MS4A4A: variants seen among roughly 807,000 people sequenced by gnomAD.
The protein encoded by MS4A4A is membrane spanning 4-domains A4A, also known as membrane-spanning 4-domains subfamily A member 4A.
In MS4A4A, 26 loss-of-function variants were observed where a neutral mutation model predicts 28.0. The ratio of observed to expected loss-of-function variants is 0.93; its 90% CI spans 0.68 to 1.29. The LOEUF is 1.29. Among genes scored for constraint, MS4A4A ranks in the 50% most tolerant of loss-of-function variants. MS4A4A has a pLI of 0.00. For missense variants in MS4A4A, 290 were observed against 293.1 expected, an observed-to-expected ratio of 0.99 and a Z score of 0.08; for synonymous variants, 86 against 100.8, an observed-to-expected ratio of 0.85 and a Z score of 0.88.
intron 2 of MS4A4A, among the ~76,000 whole-genome samples, chr11:60,294,886 A>ACTG (rs2135021432): frequency 7.5e-5 from 2 of 26,680 alleles, no homozygotes; most frequent in Non-Finnish European, 2.4e-4. Context: ...TAGTCCTACA[A>ACTG]CTACTACTTC....
intron 2 of MS4A4A, among the ~76,000 whole-genome samples, chr11:60,294,885 A>AACT (rs1554993354): frequency 0.013 from 1,337 of 104,576 alleles, 36 homozygotes; most frequent in African/African-American, 0.043. Context: ...TTAGTCCTAC[A>AACT]ACTACTACTT....
At chr11:60,304,124 G>A (rs1306336443) in intron 5 of MS4A4A, among the ~76,000 whole-genome samples, 1 of 152,188 alleles carries the variant, frequency 6.6e-6, no homozygotes, top group Non-Finnish European at 1.5e-5. Flanking sequence ...AGGAAGATTA[G>A]ATTCTACAAT....
intron 2 of MS4A4A, among the ~76,000 whole-genome samples, chr11:60,294,896 CT>C (rs2084891128): frequency 4.0e-5 from 2 of 50,234 alleles, no homozygotes; most frequent in African/African-American, 5.2e-5. Flanking sequence ...ACTACTACTT[CT>C]TCTTCTTCTT....
chr11:60,306,028 T>G, intron 5 of MS4A4A, 72 bp from the exon 6 acceptor site: 1 of 1,299,126 alleles, frequency 7.7e-7, no homozygotes, highest in Non-Finnish European at 1.1e-6. Context: ...CTTATGACAT[T>G]GTGGTTACTG....
chr11:60,292,113 T>C (rs1295376185), intron 1 of MS4A4A, 112 bp from the exon 2 acceptor site: 3 of 1,288,258 alleles, frequency 2.3e-6, no homozygotes, highest in Non-Finnish European at 3.1e-6. Flanking sequence ...TATTATGATA[T>C]GGGAAGAGAA....
At chr11:60,284,704 G>A (rs1322150193) in intron 1 of MS4A4A, among the ~76,000 whole-genome samples, 1 of 152,136 alleles carries the variant, frequency 6.6e-6, no homozygotes, top group Non-Finnish European at 1.5e-5. Context: ...TTATGAGGTG[G>A]GTTACATTCA....
chr11:60,303,606 G>A (rs2084972192), intron 5 of MS4A4A, among the ~76,000 whole-genome samples: 3 of 152,240 alleles, frequency 2.0e-5, no homozygotes, highest in South Asian at 2.1e-4. Context: ...TACTCGGGGG[G>A]CTGAGGCAGG....
intron 2 of MS4A4A, among the ~76,000 whole-genome samples, chr11:60,294,081 T>C (rs962656627): frequency 1.3e-5 from 2 of 152,242 alleles, no homozygotes; most frequent in Admixed American, 6.5e-5. Context: ...CAATCAACAG[T>C]CAATGAGTTC....
chr11:60,294,892 A>ACTACTACTACTTCTTCTTCTT (rs60374079), intron 2 of MS4A4A, among the ~76,000 whole-genome samples: 15 of 130,938 alleles, frequency 1.1e-4, no homozygotes, highest in South Asian at 6.0e-4. Context: ...TACAACTACT[A>ACTACTACTACTTCTTCTTCTT]CTTCTTCTTC....
At chr11:60,300,931 A>T in intron 3 of MS4A4A, 70 bp from the exon 4 acceptor site, 1 of 1,096,924 alleles carries the variant, frequency 9.1e-7, no homozygotes, top group Non-Finnish European at 1.3e-6. Context: ...ATTTAGAATT[A>T]AGTTTAGTAA....
chr11:60,300,131 G>A (rs1203816644), intron 3 of MS4A4A, among the ~76,000 whole-genome samples: 1 of 151,904 alleles, frequency 6.6e-6, no homozygotes, highest in African/African-American at 2.4e-5. Context: ...TGAATCATCT[G>A]AAATCAAATT....
intron 2 of MS4A4A, among the ~76,000 whole-genome samples, chr11:60,292,956 C>A (rs916273528): frequency 2.0e-5 from 3 of 152,062 alleles, no homozygotes; most frequent in African/African-American, 7.2e-5. Context: ...TATTCTGGAT[C>A]CTTTTTTCAC....
At chr11:60,283,114 A>G (rs2084770683) in intron 1 of MS4A4A, among the ~76,000 whole-genome samples, 1 of 152,184 alleles carries the variant, frequency 6.6e-6, no homozygotes, top group African/African-American at 2.4e-5. Flanking sequence ...TATTTTTGAG[A>G]CAGGGTCTCA....
chr11:60,285,297 A>C (rs926187312), intron 1 of MS4A4A, among the ~76,000 whole-genome samples: 2 of 152,182 alleles, frequency 1.3e-5, no homozygotes, highest in Non-Finnish European at 2.9e-5. Flanking sequence ...TGAGCCCTGG[A>C]GTTTGAGACC....
At chr11:60,301,201 T>G (rs979656925) in intron 4 of MS4A4A, 144 bp downstream of exon 4, 3 of 674,692 alleles carry the variant, frequency 4.4e-6, no homozygotes, top group Non-Finnish European at 7.0e-6. Flanking sequence ...AATCTGTCTT[T>G]CAAAAACTGC....
chr11:60,287,475 G>C lies in MS4A4A; in HGVS notation c.42-4750G>C, dbSNP rs1947360. The stretch of plus-strand genomic sequence containing the variant: ...TCTCCTGATGTAATTACCTCTTGAA[G>C]GTCCCACCTCTTAATACTGTTAAAA... On this transcript the variant is annotated intron_variant, in intron 1 of 6. Coordinates refer to ENST00000337908, the MANE Select transcript of MS4A4A (RefSeq NM_148975.3). Among the ~76,000 whole-genome samples, 12 of 152,136 alleles carry C rather than the reference G, an allele frequency of 7.9e-5. No homozygotes were observed. The East Asian group carries it at 2.3e-3, about 29-fold the overall frequency.
In MS4A4A at chr11:60,292,242, T is replaced by C; in HGVS notation, c.59T>C (p.Met20Thr). The C allele has an allele frequency of 6.4e-7, 1 of 1,560,276 alleles. No individual in the cohort carries two copies. The highest frequency in any genetic ancestry group is 8.6e-7 in the Non-Finnish European group (1 of 1,159,892). ...TATTGTAGCACCTTTTCTGCTGCCATGACAACCATGCAAGGAATGGAACAG... is the reference window on the plus strand; with the variant it reads ...TATTGTAGCACCTTTTCTGCTGCCACGACAACCATGCAAGGAATGGAACAG... ...RPEESTFSAA[M>T]TTMQGMEQAM... Residue 20 changes from methionine to threonine, a missense_variant, in exon 2 of 7, where the codon ATG becomes ACG. Physicochemically the swap from Met to Thr is moderately conservative, Grantham distance 81. Coordinates refer to ENST00000337908, the MANE Select transcript of MS4A4A (RefSeq NM_148975.3).
intron 1 of MS4A4A, among the ~76,000 whole-genome samples, chr11:60,281,763 G>A (rs554410638): frequency 6.6e-6 from 1 of 152,270 alleles, no homozygotes; most frequent in South Asian, 2.1e-4. Flanking sequence ...ATAGAAGAGG[G>A]AAGGGTGGTC....
chr11:60,301,118 T>C, intron 4 of MS4A4A, 61 bp downstream of exon 4: 1 of 1,300,806 alleles, frequency 7.7e-7, no homozygotes, highest in Non-Finnish European at 1.1e-6. Flanking sequence ...AAATGTATTC[T>C]GCCAGGGTGT....
Sources: allele counts gnomAD v4.1 joint callset (sites outside exome capture counted in the v4.1 genomes callset), GRCh38; gene constraint gnomAD v4.1.1; transcripts MANE v1.5; gene names NCBI Gene and HGNC (gene_info 2026-07-23, HGNC 2026-07-21).